Variants in CRACDL observed in about 807,000 individuals in gnomAD.
CRACDL encodes the protein CRACD-like protein.
In CRACDL, 26 loss-of-function variants were observed where a neutral mutation model predicts 70.6. That is an observed-to-expected ratio of 0.37 (90% CI 0.27 to 0.51). The LOEUF is 0.51. Ranked by LOEUF, CRACDL falls within the 20% of genes least tolerant of loss-of-function variation. CRACDL has a pLI of 0.94. For synonymous variants in CRACDL, 618 were observed against 615.2 expected (o/e 1.00, Z -0.07); for missense variants, 1,283 against 1,376.9 (o/e 0.93, Z 1.08).
At chr2:98,901,554 G>C (rs1395313173) in intron 1 of CRACDL, among the ~76,000 whole-genome samples, 2 of 152,198 alleles carry the variant, frequency 1.3e-5, no homozygotes, top group Non-Finnish European at 2.9e-5. Context: ...AGCCCACAGG[G>C]CACCTTATCC....
At position 98,822,830 on chromosome 2, in the gene CRACDL, G is replaced by T; in HGVS notation, c.1443C>A (p.Thr481=). ...GAGTEPERIG[T]EPSTAPAPSP... is the part of the protein sequence containing the mutation. ...TCGGGGCGGGCGCCGTGGAGGGCTC[G>T]GTCCCAATTCTCTCGGGCTCGGTCC... Residue 481 remains threonine, a synonymous_variant, in exon 7 of 10, where the codon ACC becomes ACA. Transcript: ENST00000397899. This position sits in a 1 kb window ranked among gnomAD's most constrained non-coding sequence, Gnocchi z 4.9. 7.0e-7 allele frequency: 1 copy of T among 1,418,600 alleles called. No homozygotes were observed. Among genetic ancestry groups the T allele is most frequent in the African/African-American group, 1.5e-5 (1 of 67,276 alleles). The allele number at this position is 1,418,600 out of a possible 1,614,324, so 87.9% of individuals were successfully genotyped here. A position where few individuals can be genotyped will look rare whatever the true frequency, so the allele number is the denominator to read the frequency against.
At chr2:98,800,310 T>A (rs778895041) in intron 7 of CRACDL, among the ~76,000 whole-genome samples, 6 of 152,158 alleles carry the variant, frequency 3.9e-5, no homozygotes, top group Non-Finnish European at 5.9e-5. Context: ...TGGGTTGGGA[T>A]CTGGAGAACA....
intron 1 of CRACDL, among the ~76,000 whole-genome samples, chr2:98,851,076 C>T (rs1185025377): frequency 1.3e-5 from 2 of 152,182 alleles, no homozygotes; most frequent in Non-Finnish European, 2.9e-5. Context: ...CCTACAGATT[C>T]CCTAATCCCA....
At chr2:98,922,529 T>G (rs1288774588) in intron 1 of CRACDL, among the ~76,000 whole-genome samples, 3 of 152,108 alleles carry the variant, frequency 2.0e-5, no homozygotes, top group Admixed American at 1.3e-4. Context: ...CTCTTGGCAC[T>G]GTGCCCCCTG....
chr2:98,850,017 C>T (rs1302386905), intron 1 of CRACDL, among the ~76,000 whole-genome samples: 1 of 152,200 alleles, frequency 6.6e-6, no homozygotes, highest in African/African-American at 2.4e-5. Context: ...GCAGCCCACT[C>T]CTCACCACCA....
Position 98,823,271 on chromosome 2 carries a change from G to C in CRACDL, c.1002C>G (p.Ser334Arg), listed in dbSNP as rs1404082618. 7 of 1,412,124 alleles carry C rather than the reference G, an allele frequency of 5.0e-6. No homozygotes were observed. In the African/African-American group the frequency reaches 1.1e-4, roughly 22 times the overall value. The allele number at this position is 1,412,124 out of a possible 1,614,324, so 87.5% of individuals were successfully genotyped here. A position where few individuals can be genotyped will look rare whatever the true frequency, so the allele number is the denominator to read the frequency against. Reference protein sequence around the residue: ...EGGVPGEDPSSRPATPELAEP... With the variant: ...EGGVPGEDPSRRPATPELAEP... ...CGGCGAGCTCCGGGGTGGCCGGGCG[G>C]CTTGAGGGGTCCTCCCCGGGGACGC... is the stretch of plus-strand genomic sequence containing the variant. Residue 334 changes from serine (S) to arginine (R), a missense_variant, in exon 7 of 10, where the codon AGC becomes AGG. Ser to Arg is a moderately radical substitution (Grantham distance 110, BLOSUM62 -1). This residue lies in a region of CRACDL where 362 missense variants were observed against 495.0 expected (regional missense o/e 0.73). Coordinates refer to ENST00000397899, the MANE Select transcript of CRACDL (RefSeq NM_207362.3). The surrounding 1 kb of genome is among the most constrained non-coding windows in gnomAD (Gnocchi z 4.0).
At chr2:98,852,209 G>A (rs1206066025) in intron 1 of CRACDL, among the ~76,000 whole-genome samples, 1 of 152,106 alleles carries the variant, frequency 6.6e-6, no homozygotes, top group East Asian at 1.9e-4. Context: ...CCTAATTCTT[G>A]GCTCCCCTCC....
At position 98,800,966 on chromosome 2, in the gene CRACDL, C is replaced by T. The variant is rs557146302; in HGVS notation, c.2417-3429G>A. 1.3e-4 allele frequency among the ~76,000 whole-genome samples: 20 copies of T among 152,248 alleles called. No homozygotes were observed. The South Asian group carries it at 3.5e-3, about 27-fold the overall frequency. On this transcript the variant is annotated intron_variant, in intron 7 of 9. Transcript: ENST00000397899. The stretch of plus-strand genomic sequence containing the variant: ...TGTGTTTTAAGCGTGTGTCTGTGTT[C>T]ACATGCAGACCCACGGGAGTGGGTG...
chr2:98,905,600 G>T (rs1171612445), intron 1 of CRACDL, among the ~76,000 whole-genome samples: 1 of 150,662 alleles, frequency 6.6e-6, no homozygotes, highest in East Asian at 2.0e-4. Context: ...CTGTGTAAAA[G>T]ATTTAGTCTA....
At chr2:98,801,545 C>T (rs1395339600) in intron 7 of CRACDL, among the ~76,000 whole-genome samples, 1 of 152,202 alleles carries the variant, frequency 6.6e-6, no homozygotes, top group Non-Finnish European at 1.5e-5. Flanking sequence ...GGTGTAGACA[C>T]TTGCTAGTGT....
Position 98,904,515 on chromosome 2 carries a change from C to T in CRACDL, c.-11+31423G>A, listed in dbSNP as rs371397812. Among the ~76,000 whole-genome samples the T allele has an allele frequency of 5.9e-5, 9 of 152,276 alleles. No homozygotes were observed. The East Asian group carries it at 9.6e-4, about 16-fold the overall frequency. On this transcript the variant is annotated intron_variant, in intron 1 of 9. Transcript: ENST00000397899. ...GCTTCTTCATCTGAGCAGATGAAGACGTCATTTTTTCTTATCCAGTTTGAG... is the reference window on the plus strand; with the variant it reads ...GCTTCTTCATCTGAGCAGATGAAGATGTCATTTTTTCTTATCCAGTTTGAG...
chr2:98,795,078 T>TATA (rs1461039601), intron 9 of CRACDL, among the ~76,000 whole-genome samples: 7 of 18,286 alleles, frequency 3.8e-4, no homozygotes, highest in African/African-American at 7.9e-4. Flanking sequence ...TATATATATA[T>TATA]TTTTTTTTTT....
At chr2:98,904,871 A>T (rs1708366210) in intron 1 of CRACDL, among the ~76,000 whole-genome samples, 1 of 151,964 alleles carries the variant, frequency 6.6e-6, no homozygotes, top group African/African-American at 2.4e-5. Context: ...GGTGGGAAGC[A>T]CTCCGGTCGC....
chr2:98,875,647 C>T (rs756783177), intron 1 of CRACDL, among the ~76,000 whole-genome samples: 2 of 152,156 alleles, frequency 1.3e-5, no homozygotes, highest in Non-Finnish European at 2.9e-5. Context: ...TGGCCTGACA[C>T]GTAAGACATG....
At chr2:98,818,945 T>C (rs928834589) in intron 7 of CRACDL, among the ~76,000 whole-genome samples, 2 of 152,216 alleles carry the variant, frequency 1.3e-5, no homozygotes, top group Non-Finnish European at 2.9e-5. Flanking sequence ...TCCTTCCCTC[T>C]CTCTGTGTTA....
chr2:98,853,857 A>C (rs941166323), intron 1 of CRACDL, among the ~76,000 whole-genome samples: 2 of 152,238 alleles, frequency 1.3e-5, no homozygotes, highest in African/African-American at 4.8e-5. Context: ...CCTAGAGAAA[A>C]CACTAAAAAA....
intron 1 of CRACDL, among the ~76,000 whole-genome samples, chr2:98,900,563 G>A (rs1285078464): frequency 3.3e-5 from 5 of 152,148 alleles, no homozygotes; most frequent in Admixed American, 1.3e-4. Context: ...ACAGGGGTGG[G>A]AGTAGGGCCT....
intron 1 of CRACDL, among the ~76,000 whole-genome samples, chr2:98,896,087 G>A (rs1030823621): frequency 1.3e-5 from 2 of 152,186 alleles, no homozygotes; most frequent in South Asian, 2.1e-4. Flanking sequence ...GGGCAGAACC[G>A]GGAGTGGGGG....
intron 1 of CRACDL, among the ~76,000 whole-genome samples, chr2:98,880,505 G>C (rs1376271353): frequency 6.6e-6 from 1 of 152,228 alleles, no homozygotes; most frequent in Non-Finnish European, 1.5e-5. Context: ...CGCTGCATCA[G>C]TATGGGCACG....
Sources: gnomAD v4.1 joint callset for allele counts (sites outside exome capture counted in the v4.1 genomes callset) on GRCh38, gnomAD v4.1.1 for gene constraint, gnomAD v4.1.1 regional missense constraint, Gnocchi (gnomAD v3.1) non-coding constraint, MANE v1.5 for transcripts, NCBI Gene and HGNC (gene_info 2026-07-23, HGNC 2026-07-21) for gene names.